Variants in KCNIP1 observed in about 807,000 individuals in gnomAD.
KCNIP1 encodes the protein A-type potassium channel modulatory protein KCNIP1.
Under a neutral mutation model 33.0 loss-of-function variants are expected in KCNIP1, and 18 were observed. That is an observed-to-expected ratio of 0.55 (90% CI 0.38 to 0.81). KCNIP1 has a LOEUF of 0.81. Ranked by LOEUF, KCNIP1 falls within the 30% of genes least tolerant of loss-of-function variation. The pLI, the probability that KCNIP1 is intolerant of heterozygous loss-of-function variation, is 0.00. For synonymous variants in KCNIP1, 93 were observed against 98.3 expected, an observed-to-expected ratio of 0.95 and a Z score of 0.32; for missense variants, 238 against 271.6, an observed-to-expected ratio of 0.88 and a Z score of 0.87.
chr5:170,607,860 G>A (rs1170020329), intron 1 of KCNIP1, among the ~76,000 whole-genome samples: 5 of 152,290 alleles, frequency 3.3e-5, no homozygotes, highest in South Asian at 4.1e-4. Context: ...GATGTGTGAC[G>A]AGAAAGTTTT....
chr5:170,396,828 C>T (rs1168835967), intron 1 of KCNIP1, among the ~76,000 whole-genome samples: 4 of 152,122 alleles, frequency 2.6e-5, no homozygotes, highest in Non-Finnish European at 5.9e-5. Context: ...TGATTAGACT[C>T]TTAGTTAAAT....
chr5:170,364,095 G>T (rs1763590426), intron 1 of KCNIP1, among the ~76,000 whole-genome samples: 1 of 151,654 alleles, frequency 6.6e-6, no homozygotes, highest in African/African-American at 2.4e-5. Flanking sequence ...CTACCTCCTG[G>T]GCTCAAGCAA....
At chr5:170,411,275 G>A (rs924872328) in intron 1 of KCNIP1, among the ~76,000 whole-genome samples, 1 of 152,238 alleles carries the variant, frequency 6.6e-6, no homozygotes, top group African/African-American at 2.4e-5. Flanking sequence ...TCATTATGAT[G>A]CCCATTTTAC....
At chr5:170,530,406 G>C (rs542884606) in intron 1 of KCNIP1, among the ~76,000 whole-genome samples, 8 of 152,328 alleles carry the variant, frequency 5.3e-5, no homozygotes, top group African/African-American at 1.9e-4. Context: ...CCATTTTGTA[G>C]ATAAAGAAAC....
chr5:170,707,969 G>A (rs958520973), intron 1 of KCNIP1, among the ~76,000 whole-genome samples: 23 of 152,152 alleles, frequency 1.5e-4, no homozygotes, highest in Admixed American at 9.2e-4. Context: ...AAAAAAATAC[G>A]TGGAACACTC....
chr5:170,726,586 A>G (rs1764012886), intron 5 of KCNIP1, among the ~76,000 whole-genome samples: 1 of 152,088 alleles, frequency 6.6e-6, no homozygotes, highest in Non-Finnish European at 1.5e-5. Context: ...AGCTCAGCAC[A>G]CACTTAACAT....
chr5:170,385,955 TA>T (rs548199277), intron 1 of KCNIP1, among the ~76,000 whole-genome samples: 348 of 141,348 alleles, frequency 2.5e-3, no homozygotes, highest in African/African-American at 3.0e-3. Context: ...CCATCTCTAC[TA>T]AAAAAAAAAA....
At chr5:170,618,075 T>C (rs755783891) in intron 1 of KCNIP1, among the ~76,000 whole-genome samples, 1 of 152,148 alleles carries the variant, frequency 6.6e-6, no homozygotes, top group African/African-American at 2.4e-5. Context: ...AACCGACCAC[T>C]GGAGATGGGA....
At chr5:170,547,698 A>G (rs116409983) in intron 1 of KCNIP1, among the ~76,000 whole-genome samples, 6 of 152,226 alleles carry the variant, frequency 3.9e-5, no homozygotes, top group Non-Finnish European at 7.3e-5. Context: ...TGCAAAGGAC[A>G]TAATCCCCTT....
chr5:170,672,230 C>T (rs1028744289), intron 1 of KCNIP1, among the ~76,000 whole-genome samples: 1 of 152,204 alleles, frequency 6.6e-6, no homozygotes, highest in Admixed American at 6.5e-5. Context: ...AGAGATGAGG[C>T]TGGGGAGGGA....
chr5:170,440,579 C>G (rs985880330), intron 1 of KCNIP1, among the ~76,000 whole-genome samples: 6 of 152,130 alleles, frequency 3.9e-5, no homozygotes, highest in Non-Finnish European at 8.8e-5. Flanking sequence ...GCTGAGACTA[C>G]AGGACTACAG....
At chr5:170,356,937 G>A (rs1260338302) in intron 1 of KCNIP1, among the ~76,000 whole-genome samples, 2 of 152,048 alleles carry the variant, frequency 1.3e-5, no homozygotes, top group East Asian at 1.9e-4. Context: ...TCCAGCCTGC[G>A]TGAGCCTCCA....
intron 1 of KCNIP1, among the ~76,000 whole-genome samples, chr5:170,632,505 G>A (rs1022681907): frequency 1.3e-5 from 2 of 152,250 alleles, no homozygotes; most frequent in African/African-American, 2.4e-5. Flanking sequence ...CAACAGAGGC[G>A]GGAGATGAGG....
At chr5:170,680,788 C>T (rs1762313054) in intron 1 of KCNIP1, 1 of 280,098 alleles carries the variant, frequency 3.6e-6, no homozygotes, top group Admixed American at 5.3e-5. Context: ...ACTCAGCTAG[C>T]AGAAGATTAG....
intron 1 of KCNIP1, among the ~76,000 whole-genome samples, chr5:170,432,138 C>T (rs1258739810): frequency 2.0e-5 from 3 of 151,330 alleles, no homozygotes; most frequent in Admixed American, 2.0e-4. Context: ...TCTGGCAGTT[C>T]TGGGCTTGTG....
At chr5:170,658,893 T>C (rs1009979011) in intron 1 of KCNIP1, among the ~76,000 whole-genome samples, 2 of 152,182 alleles carry the variant, frequency 1.3e-5, no homozygotes, top group Non-Finnish European at 2.9e-5. Context: ...CAGGTTCCTG[T>C]TGGGGGTTTG....
intron 1 of KCNIP1, among the ~76,000 whole-genome samples, chr5:170,589,231 C>T (rs1258995265): frequency 6.6e-6 from 1 of 152,070 alleles, no homozygotes; most frequent in Non-Finnish European, 1.5e-5. Flanking sequence ...GATCTCCTGA[C>T]CTCTTGATCC....
At chr5:170,394,244 A>G (rs952672716) in intron 1 of KCNIP1, among the ~76,000 whole-genome samples, 1 of 152,170 alleles carries the variant, frequency 6.6e-6, no homozygotes, top group Non-Finnish European at 1.5e-5. Context: ...GCCAGGCGGA[A>G]GCTCTGCTTC....
At chr5:170,453,520 C>A (rs1756304422) in intron 1 of KCNIP1, among the ~76,000 whole-genome samples, 1 of 152,118 alleles carries the variant, frequency 6.6e-6, no homozygotes, top group Admixed American at 6.5e-5. Context: ...AGGAGTACTC[C>A]AACACGACTA....
Sources: gnomAD v4.1 joint callset for allele counts (sites outside exome capture counted in the v4.1 genomes callset) on GRCh38, gnomAD v4.1.1 for gene constraint, MANE v1.5 for transcripts, NCBI Gene and HGNC (gene_info 2026-07-23, HGNC 2026-07-21) for gene names.